The following TMEM237 variants were observed in gnomAD, a reference collection of about 807,000 sequenced individuals.
The protein encoded by TMEM237 is amyotrophic lateral sclerosis 2 (juvenile) chromosome region, candidate 4.
Under a neutral mutation model 59.1 loss-of-function variants are expected in TMEM237, and 51 were observed. That is an observed-to-expected ratio of 0.86 (90% CI 0.69 to 1.09). The LOEUF (loss-of-function observed/expected upper bound fraction) is 1.09. Among genes scored for constraint, TMEM237 ranks in the 50% least tolerant of loss-of-function variants. TMEM237 has a pLI of 0.00. For synonymous variants in TMEM237, 140 were observed against 166.1 expected (o/e 0.84, Z 1.21); for missense variants, 475 against 478.3 (o/e 0.99, Z 0.06).
chr2:201,633,759 A>T (rs1006633069), intron 5 of TMEM237, among the ~76,000 whole-genome samples: 2 of 152,228 alleles, frequency 1.3e-5, no homozygotes, highest in Middle Eastern at 3.2e-3. Context: ...ATTATGGTTT[A>T]CTACAGCAAA....
chr2:201,641,305 CA>C (rs1449261442), intron 1 of TMEM237, among the ~76,000 whole-genome samples: 1 of 152,104 alleles, frequency 6.6e-6, no homozygotes, highest in Non-Finnish European at 1.5e-5. Flanking sequence ...GCAATTCTTT[CA>C]AAAGTCTGTT....
intron 2 of TMEM237, 135 bp downstream of exon 2, chr2:201,640,758 T>C: frequency 1.4e-6 from 1 of 711,006 alleles, no homozygotes; most frequent in East Asian, 2.9e-5. Flanking sequence ...CCTTTAAAAT[T>C]TCAGAAAATC....
intron 12 of TMEM237, among the ~76,000 whole-genome samples, chr2:201,625,200 A>C (rs1031517791): frequency 9.9e-5 from 15 of 152,008 alleles, no homozygotes; most frequent in African/African-American, 3.6e-4. Flanking sequence ...GTCTCTATTA[A>C]AAATACAAAA....
intron 9 of TMEM237, 128 bp downstream of exon 9, chr2:201,629,102 C>T: frequency 1.6e-6 from 1 of 639,440 alleles, no homozygotes; most frequent in East Asian, 3.3e-5. Context: ...AGTAGACTGG[C>T]CTTAAAACTT....
At chr2:201,626,270 T>C (rs989091210) in intron 11 of TMEM237, 123 bp from the exon 12 acceptor site, 17 of 1,045,020 alleles carry the variant, frequency 1.6e-5, no homozygotes, top group Non-Finnish European at 2.2e-5. Context: ...AAGTAAAGTG[T>C]GAAAGAAAAT....
At chr2:201,642,989 A>G (rs534192715) in intron 1 of TMEM237, 1 of 1,296,738 alleles carries the variant, frequency 7.7e-7, no homozygotes, top group Non-Finnish European at 9.7e-7. Context: ...CCGCAGGCGA[A>G]CAGATCTCTT....
Position 201,628,060 on chromosome 2 carries a change from T to C in TMEM237, c.943+16A>G. On this transcript the variant is annotated intron_variant, in intron 10 of 12. Transcript: ENST00000409883. ...CTGAAGTATTACACAGTTATCATGT[T>C]AAACTGCTTACTCACAGAAAGATGC... The C allele has an allele frequency of 6.3e-7, 1 of 1,595,644 alleles. No individual in the cohort carries two copies. The highest frequency in any genetic ancestry group is 8.6e-7 in the Non-Finnish European group (1 of 1,168,608).
rs1271234988 is a variant in TMEM237 at position 201,622,812 on chromosome 2, C to G, written c.*1443G>C. On this transcript the variant is annotated 3_prime_UTR_variant, in exon 13 of 13. Transcript: ENST00000409883. ...TCTTTAGGAGACATTATGCAGCCTA[C>G]CACAATCCCCCACATTGGCAGCAGC... The G allele has an allele frequency of 6.5e-6, 1 of 153,824 alleles. No homozygotes were observed. The allele number at this position is 153,824 out of a possible 1,614,324, so 9.5% of individuals were successfully genotyped here. A position where few individuals can be genotyped will look rare whatever the true frequency, so the allele number is the denominator to read the frequency against.
Position 201,621,383 on chromosome 2 carries a change from C to T in TMEM237, c.*2872G>A, listed in dbSNP as rs553005515. 6.6e-6 allele frequency: 1 copy of T among 152,270 alleles called. No individual in the cohort carries two copies. The highest frequency in any genetic ancestry group is 2.1e-4 in the South Asian group (1 of 4,822). 9.4% of individuals were successfully genotyped at this position (152,270 alleles called of 1,614,324 possible). A position where few individuals can be genotyped will look rare whatever the true frequency, so the allele number is the denominator to read the frequency against. On this transcript the variant is annotated 3_prime_UTR_variant, in exon 13 of 13. Coordinates refer to ENST00000409883, the MANE Select transcript of TMEM237 (RefSeq NM_001044385.3). ...ATCAGTTTCACTCCTGGGCATTTAT[C>T]TTAAAGAAATGAAAACTTAATGTTC...
chr2:201,628,083 T>C lies in TMEM237; in HGVS notation c.936A>G (p.Ala312=), dbSNP rs934193386. The C allele has an allele frequency of 3.7e-6, 6 of 1,607,204 alleles. No individual in the cohort carries two copies. In the African/African-American group the frequency reaches 4.0e-5, roughly 11 times the overall value. The stretch of plus-strand genomic sequence containing the variant: ...GTTAAACTGCTTACTCACAGAAAGA[T>C]GCTAAAGCTGTAGGATCCAGGGCCA... ...NFLALDPTAL[A]SFLYFTALIL... is the part of the protein sequence containing the mutation. The change falls in exon 10 of 13, where the codon GCA becomes GCG. Residue 312 remains alanine, a synonymous_variant. Transcript: ENST00000409883.
At chr2:201,633,210 AAGT>A in intron 6 of TMEM237, 98 bp downstream of exon 6, 1 of 1,200,418 alleles carries the variant, frequency 8.3e-7, no homozygotes, top group Non-Finnish European at 1.1e-6. Flanking sequence ...ACACAAATAC[AAGT>A]ATGTAATAAG....
chr2:201,642,792 G>A (rs550786078), intron 1 of TMEM237: 1,511 of 1,416,468 alleles, frequency 1.1e-3, no homozygotes, highest in Non-Finnish European at 1.3e-3. Flanking sequence ...GGCGTGCAGG[G>A]ACCTGGATTG....
chr2:201,628,621 T>G (rs1957780272), intron 9 of TMEM237, among the ~76,000 whole-genome samples: 1 of 152,194 alleles, frequency 6.6e-6, no homozygotes, highest in South Asian at 2.1e-4. Flanking sequence ...TAATCCAGTA[T>G]GACTGCTGTC....
At chr2:201,624,624 A>G (rs1009551224) in intron 12 of TMEM237, among the ~76,000 whole-genome samples, 15 of 152,224 alleles carry the variant, frequency 9.9e-5, no homozygotes, top group African/African-American at 3.6e-4. Context: ...ATCAAAGATC[A>G]TTAAACAGCT....
chr2:201,636,630 A>G, intron 5 of TMEM237, 118 bp downstream of exon 5: 1 of 1,207,696 alleles, frequency 8.3e-7, no homozygotes, highest in East Asian at 2.5e-5. Context: ...TTAAACATAA[A>G]AGCAAGAAAC....
At chr2:201,625,536 G>C (rs568728301) in intron 12 of TMEM237, among the ~76,000 whole-genome samples, 1 of 152,308 alleles carries the variant, frequency 6.6e-6, no homozygotes, top group Non-Finnish European at 1.5e-5. Context: ...CTGGGGACTA[G>C]AGATGAGTGA....
chr2:201,626,149 T>C lies in TMEM237; in HGVS notation c.1038-2A>G. 6.2e-7 allele frequency: 1 copy of C among 1,610,770 alleles called. No homozygotes were observed. ...ATCTGTTCCTCAATTCCTGCTTCCC[T>C]AAAAATGTAGAAACACTCATTAGAA... On this transcript the variant is annotated splice_acceptor_variant, in intron 11 of 12. Transcript: ENST00000409883. LOFTEE classifies it high-confidence loss of function.
intron 11 of TMEM237, 144 bp from the exon 12 acceptor site, chr2:201,626,291 T>C: frequency 1.2e-6 from 1 of 860,668 alleles, no homozygotes; most frequent in South Asian, 1.9e-5. Flanking sequence ...ATAATTTCCC[T>C]GTAAAATATA....
chr2:201,626,534 GAA>G (rs751155005), intron 11 of TMEM237, among the ~76,000 whole-genome samples: 232 of 96,030 alleles, frequency 2.4e-3, no homozygotes, highest in African/African-American at 8.2e-3. Context: ...AGCATTTGGG[GAA>G]AAAAAAAAAA....
Sources: allele counts gnomAD v4.1 joint callset (sites outside exome capture counted in the v4.1 genomes callset), GRCh38; gene constraint gnomAD v4.1.1; transcripts MANE v1.5; gene names NCBI Gene and HGNC (gene_info 2026-07-23, HGNC 2026-07-21).